HS3ST1: variants seen among roughly 807,000 people sequenced by gnomAD.
HS3ST1 encodes the protein heparan sulfate glucosamine 3-O-sulfotransferase 1.
Under a neutral mutation model 20.7 loss-of-function variants are expected in HS3ST1, and 8 were observed. That is an observed-to-expected ratio of 0.39 (90% confidence interval 0.23 to 0.70). The LOEUF is 0.70. HS3ST1 is among the 30% of genes least tolerant of loss of function. The pLI is 0.46. For missense variants in HS3ST1, 436 were observed against 423.4 expected (o/e 1.03, Z -0.26); for synonymous variants, 205 against 190.4 (o/e 1.08, Z -0.63).
intron 1 of HS3ST1, among the ~76,000 whole-genome samples, chr4:11,422,548 A>G (rs1201692149): frequency 6.6e-6 from 1 of 152,198 alleles, no homozygotes; most frequent in Non-Finnish European, 1.5e-5. Flanking sequence ...AGACAGGCAG[A>G]GACTCGGTTA....
intron 1 of HS3ST1, among the ~76,000 whole-genome samples, chr4:11,410,444 G>A (rs912076705): frequency 6.6e-6 from 1 of 152,182 alleles, no homozygotes; most frequent in Admixed American, 6.5e-5. Flanking sequence ...TTCATTCAGG[G>A]CAGTAGGAGA....
chr4:11,434,163 G>A (rs1171518715), upstream of HS3ST1, among the ~76,000 whole-genome samples: 3 of 152,232 alleles, frequency 2.0e-5, no homozygotes, highest in African/African-American at 7.2e-5. Flanking sequence ...CATAGACTTT[G>A]GAACACTGTT....
At chr4:11,419,035 CAG>C (rs1718857648) in intron 1 of HS3ST1, among the ~76,000 whole-genome samples, 1 of 152,090 alleles carries the variant, frequency 6.6e-6, no homozygotes, top group Non-Finnish European at 1.5e-5. Flanking sequence ...GGGGTTTACT[CAG>C]GGGCTGCTGA....
Position 11,393,648 on chromosome 4 carries a change from A to C in HS3ST1, c.*5434T>G, listed in dbSNP as rs930224330. The C allele has an allele frequency of 2.6e-5, 4 of 152,366 alleles. No individual in the cohort carries two copies. The highest frequency in any genetic ancestry group is 2.0e-4 in the Admixed American group (3 of 15,308). 9.4% of individuals were successfully genotyped at this position (152,366 alleles called of 1,614,324 possible). A position where few individuals can be genotyped will look rare whatever the true frequency, so the allele number is the denominator to read the frequency against. On this transcript the variant is annotated 3_prime_UTR_variant, in exon 2 of 2. Transcript: ENST00000002596. ...TTTCGGAAGAAATAAGTAAAAGTAC[A>C]GTTTCAGGAGAAGTCTAGCCTCAGC...
At chr4:11,416,607 C>T (rs754163536) in intron 1 of HS3ST1, among the ~76,000 whole-genome samples, 1 of 152,158 alleles carries the variant, frequency 6.6e-6, no homozygotes, top group South Asian at 2.1e-4. Flanking sequence ...ACTGCTCATT[C>T]GAGTCTCTCA....
chr4:11,429,698 C>T (rs1719167510), upstream of HS3ST1: 2 of 109,972 alleles, frequency 1.8e-5, no homozygotes, highest in Admixed American at 2.6e-4. Context: ...GGATTGCAAA[C>T]GTCAGCTCTG....
In HS3ST1 at chr4:11,393,471, G is replaced by A. The variant is rs145742207; in HGVS notation, c.*5611C>T. ...GATCACGTTATACATGTAAAATACAGAGAGAAGAAAACATGCATGCAAGGT... is the reference window on the plus strand; with the variant it reads ...GATCACGTTATACATGTAAAATACAAAGAGAAGAAAACATGCATGCAAGGT... On this transcript the variant is annotated 3_prime_UTR_variant, in exon 2 of 2. Transcript: ENST00000002596. 3.1e-4 allele frequency: 47 copies of A among 152,266 alleles called. 1 individual carries two copies. In the East Asian group the frequency reaches 8.7e-3, roughly 28 times the overall value. The allele number at this position is 152,266 out of a possible 1,614,324, so 9.4% of individuals were successfully genotyped here.
chr4:11,410,717 C>A (rs1718601737), intron 1 of HS3ST1, among the ~76,000 whole-genome samples: 1 of 152,004 alleles, frequency 6.6e-6, no homozygotes, highest in Non-Finnish European at 1.5e-5. Flanking sequence ...CATGGTGAAA[C>A]CCTGTCTCTA....
At chr4:11,429,105 A>C (rs559785507), upstream of HS3ST1, 3 of 152,386 alleles carry the variant, frequency 2.0e-5, no homozygotes, top group Non-Finnish European at 4.4e-5. Flanking sequence ...CTCTGCGCTC[A>C]GCTGCTCCGC....
Position 11,399,198 on chromosome 4 carries a change from T to C in HS3ST1, c.808A>G (p.Lys270Glu). ...TCGACTTGGGGGTGCGCCCGGCCTT[T>C]GGACTCATGTAAGCAGCGGTCCCGG... ...SGRDRCLHESKGRAHPQVDPK... is the reference protein window; with the variant it reads ...SGRDRCLHESEGRAHPQVDPK... The change falls in exon 2 of 2, where the codon AAA becomes GAA. Residue 270 changes from lysine (K) to glutamate (E), a missense_variant. Coordinates refer to ENST00000002596, the MANE Select transcript of HS3ST1 (RefSeq NM_005114.4). The surrounding 1 kb of genome is among the most constrained non-coding windows in gnomAD (Gnocchi z 5.1). 6.2e-7 allele frequency: 1 copy of C among 1,614,180 alleles called. No homozygotes were observed. Among genetic ancestry groups the C allele is most frequent in the Non-Finnish European group, 8.5e-7 (1 of 1,180,036 alleles).
At chr4:11,422,542 A>T (rs1718964940) in intron 1 of HS3ST1, among the ~76,000 whole-genome samples, 1 of 152,192 alleles carries the variant, frequency 6.6e-6, no homozygotes, top group Non-Finnish European at 1.5e-5. Context: ...CTCATGAGAC[A>T]GGCAGAGACT....
intron 1 of HS3ST1, among the ~76,000 whole-genome samples, chr4:11,412,324 T>C (rs754147901): frequency 2.0e-5 from 3 of 152,166 alleles, no homozygotes; most frequent in Non-Finnish European, 4.4e-5. Context: ...TCGTAAATTC[T>C]AAGATAGTAT....
intron 1 of HS3ST1, among the ~76,000 whole-genome samples, chr4:11,421,853 C>CT (rs1467749889): frequency 1.3e-5 from 2 of 152,204 alleles, no homozygotes; most frequent in Non-Finnish European, 1.5e-5. Flanking sequence ...GATCCGGAGT[C>CT]TGCCACCTTT....
intron 1 of HS3ST1, among the ~76,000 whole-genome samples, chr4:11,415,139 G>T (rs1214526301): frequency 6.6e-6 from 1 of 152,222 alleles, no homozygotes; most frequent in East Asian, 1.9e-4. Context: ...AAGTTCAGGG[G>T]TCTGGTGAGG....
At chr4:11,404,730 G>A (rs1207001214) in intron 1 of HS3ST1, among the ~76,000 whole-genome samples, 5 of 152,216 alleles carry the variant, frequency 3.3e-5, no homozygotes, top group Admixed American at 6.5e-5. Flanking sequence ...GCACTTGGCT[G>A]ATGTGGGCAT....
At chr4:11,427,617 C>A (rs1458138352) in intron 1 of HS3ST1, among the ~76,000 whole-genome samples, 6 of 152,188 alleles carry the variant, frequency 3.9e-5, no homozygotes, top group Admixed American at 3.9e-4. Flanking sequence ...GCAAGGGTAC[C>A]ACTGGATCTG....
rs148801024 is a variant in HS3ST1, at chr4:11,395,917, G to C, written c.*3165C>G. 6.6e-6 allele frequency: 1 copy of C among 152,294 alleles called. No individual in the cohort carries two copies. The highest frequency in any genetic ancestry group is 1.5e-5 in the Non-Finnish European group (1 of 68,036). The allele number at this position is 152,294 out of a possible 1,614,324, so 9.4% of individuals were successfully genotyped here. ...TACACAGCTAAATGTCTTTGCCTTT[G>C]TACTCCAAGACCCTCTGTACTTTTA... On this transcript the variant is annotated 3_prime_UTR_variant, in exon 2 of 2. Coordinates refer to ENST00000002596, the MANE Select transcript of HS3ST1 (RefSeq NM_005114.4).
intron 1 of HS3ST1, among the ~76,000 whole-genome samples, chr4:11,417,300 A>G (rs908476661): frequency 1.3e-5 from 2 of 152,172 alleles, no homozygotes; most frequent in African/African-American, 4.8e-5. Context: ...GTTATGTTCC[A>G]TGGTTTTTCA....
At chr4:11,416,758 A>C (rs758853648) in intron 1 of HS3ST1, among the ~76,000 whole-genome samples, 1 of 152,216 alleles carries the variant, frequency 6.6e-6, no homozygotes, top group African/African-American at 2.4e-5. Flanking sequence ...TTGCTTTTGC[A>C]TGGCCCTGCT....
Sources: allele counts gnomAD v4.1 joint callset (sites outside exome capture counted in the v4.1 genomes callset), GRCh38; gene constraint gnomAD v4.1.1; non-coding constraint Gnocchi (gnomAD v3.1); transcripts MANE v1.5; gene names NCBI Gene and HGNC (gene_info 2026-07-23, HGNC 2026-07-21).